ZC3H6: variants seen among roughly 807,000 people sequenced by gnomAD.
ZC3H6 encodes zinc finger CCCH-type containing 6, also known as zinc finger CCCH domain-containing protein 6.
Under a neutral mutation model 107.7 loss-of-function variants are expected in ZC3H6, and 40 were observed. That is an observed-to-expected ratio of 0.37 (90% CI 0.29 to 0.48). The LOEUF (loss-of-function observed/expected upper bound fraction) is 0.48, where lower values mean the gene tolerates loss of function less well. ZC3H6 is among the 20% of genes least tolerant of loss of function. The pLI is 0.98. For synonymous variants in ZC3H6, 493 were observed against 487.9 expected (o/e 1.01, Z -0.14); for missense variants, 1,267 against 1,410.4 (o/e 0.90, Z 1.63).
At chr2:112,295,383 A>C (rs1676213633) in intron 1 of ZC3H6, among the ~76,000 whole-genome samples, 1 of 152,232 alleles carries the variant, frequency 6.6e-6, no homozygotes, top group Non-Finnish European at 1.5e-5. Context: ...GTATTAAGCT[A>C]GTTCAAAATC....
At chr2:112,278,452 G>A (rs993408443) in intron 1 of ZC3H6, among the ~76,000 whole-genome samples, 1 of 152,056 alleles carries the variant, frequency 6.6e-6, no homozygotes, top group African/African-American at 2.4e-5. Flanking sequence ...TGAGTAGCTG[G>A]GATTACAGGC....
intron 1 of ZC3H6, among the ~76,000 whole-genome samples, chr2:112,296,772 T>G (rs1167905872): frequency 6.6e-6 from 1 of 152,182 alleles, no homozygotes; most frequent in Non-Finnish European, 1.5e-5. Flanking sequence ...AATAGCAAGG[T>G]GCCATGCTAG....
chr2:112,294,370 G>C (rs1381784421), intron 1 of ZC3H6, among the ~76,000 whole-genome samples: 10 of 152,196 alleles, frequency 6.6e-5, no homozygotes, highest in Admixed American at 6.5e-4. Flanking sequence ...TGTTCTGTTG[G>C]TCTTAGGATA....
At chr2:112,308,505 C>T (rs11896500) in intron 3 of ZC3H6, among the ~76,000 whole-genome samples, 76,116 of 149,428 alleles carry the variant, frequency 0.51, 21,558 homozygotes, top group East Asian at 0.77. Flanking sequence ...TGGCTCACTG[C>T]AACTTCCTTT....
intron 1 of ZC3H6, among the ~76,000 whole-genome samples, chr2:112,279,134 G>A (rs1318949805): frequency 1.3e-5 from 2 of 152,172 alleles, no homozygotes; most frequent in Non-Finnish European, 2.9e-5. Context: ...CCAGAGCCTA[G>A]TTTCTAAAGG....
In ZC3H6 at chr2:112,332,491, A is replaced by G. The variant is rs572744592; in HGVS notation, c.*3A>G. 18 of 1,597,314 alleles carry G rather than the reference A, an allele frequency of 1.1e-5. No homozygotes were observed. The highest frequency in any genetic ancestry group is 1.7e-4 in the Middle Eastern group (1 of 5,948). ...CAACTGCTTCACCATTTTGTTAGCT[A>G]TTGTGTAACTGAGCAATTCTTTTCA... On this transcript the variant is annotated 3_prime_UTR_variant, in exon 12 of 12. Coordinates refer to ENST00000409871, the MANE Select transcript of ZC3H6 (RefSeq NM_198581.3).
At chr2:112,286,708 G>T (rs1686617813) in intron 1 of ZC3H6, among the ~76,000 whole-genome samples, 1 of 152,188 alleles carries the variant, frequency 6.6e-6, no homozygotes, top group Admixed American at 6.5e-5. Context: ...CAAAGTGCTG[G>T]GCTCATAGGC....
At chr2:112,290,828 T>C (rs1676099151) in intron 1 of ZC3H6, among the ~76,000 whole-genome samples, 1 of 152,276 alleles carries the variant, frequency 6.6e-6, no homozygotes, top group African/African-American at 2.4e-5. Context: ...TAATTGAACT[T>C]TGGTAGTGTG....
intron 1 of ZC3H6, among the ~76,000 whole-genome samples, chr2:112,276,872 C>G (rs1360665456): frequency 2.0e-5 from 3 of 152,132 alleles, no homozygotes; most frequent in Non-Finnish European, 4.4e-5. Flanking sequence ...ATTAAACTTA[C>G]TGAAACAAAA....
At chr2:112,319,229 T>C (rs897621436) in intron 7 of ZC3H6, among the ~76,000 whole-genome samples, 3 of 152,142 alleles carry the variant, frequency 2.0e-5, no homozygotes, top group Non-Finnish European at 4.4e-5. Context: ...TGGCCAGGCA[T>C]GGTAGGTCAC....
rs1472067895 is a variant in ZC3H6, at chr2:112,275,657, A to G, written c.-338A>G. The stretch of plus-strand genomic sequence containing the variant: ...ATGTTGGTGAGGAGAAATCACCGTT[A>G]CGGCCACTGTCCAAATCCCCGCGTC... On this transcript the variant is annotated 5_prime_UTR_variant, in exon 1 of 12. Transcript: ENST00000409871. The G allele has an allele frequency of 5.0e-6, 2 of 404,040 alleles. No individual in the cohort carries two copies. The highest frequency in any genetic ancestry group is 8.8e-5 in the Admixed American group (2 of 22,752). 25.0% of individuals were successfully genotyped at this position (404,040 alleles called of 1,614,324 possible). A position where few individuals can be genotyped will look rare whatever the true frequency, so the allele number is the denominator to read the frequency against.
intron 1 of ZC3H6, among the ~76,000 whole-genome samples, chr2:112,279,364 C>G (rs1376768929): frequency 6.6e-6 from 1 of 152,126 alleles, no homozygotes. Context: ...TAAATATAAC[C>G]CAAGTAATTG....
Position 112,332,676 on chromosome 2 carries a change from T to C in ZC3H6, c.*188T>C. On this transcript the variant is annotated 3_prime_UTR_variant, in exon 12 of 12. Transcript: ENST00000409871. ...ATTTTATATAATATTTTTATAACTT[T>C]AAGAGACTGTAGTAATTGACCTAAA... is the stretch of plus-strand genomic sequence containing the variant. The C allele has an allele frequency of 4.3e-6, 2 of 467,436 alleles. No homozygotes were observed. The highest frequency in any genetic ancestry group is 7.1e-6 in the Non-Finnish European group (2 of 283,488). The allele number at this position is 467,436 out of a possible 1,614,324, so 29.0% of individuals were successfully genotyped here.
At position 112,334,811 on chromosome 2, in the gene ZC3H6, C is replaced by T. The variant is rs1434792255; in HGVS notation, c.*2323C>T. The stretch of plus-strand genomic sequence containing the variant: ...CAAATTGAATAAGTAGCCATTTTCC[C>T]CCAATGAATACCTCTTCTTTTAGGT... On this transcript the variant is annotated 3_prime_UTR_variant, in exon 12 of 12. Coordinates refer to ENST00000409871, the MANE Select transcript of ZC3H6 (RefSeq NM_198581.3). The T allele has an allele frequency of 1.3e-5, 2 of 152,456 alleles. No homozygotes were observed. Among genetic ancestry groups the T allele is most frequent in the African/African-American group, 2.4e-5 (1 of 41,432 alleles). 9.4% of individuals were successfully genotyped at this position (152,456 alleles called of 1,614,324 possible). A position where few individuals can be genotyped will look rare whatever the true frequency, so the allele number is the denominator to read the frequency against.
intron 11 of ZC3H6, among the ~76,000 whole-genome samples, chr2:112,327,034 C>T (rs767612438): frequency 7.2e-5 from 11 of 152,164 alleles, no homozygotes; most frequent in Non-Finnish European, 1.3e-4. Flanking sequence ...TGGGTATATA[C>T]CTGGCAGTGG....
Position 112,317,227 on chromosome 2 carries a change from C to A in ZC3H6, c.871C>A (p.Gln291Lys). The change falls in exon 7 of 12, where the codon CAG (glutamine) becomes AAG (lysine). Residue 291 changes from glutamine to lysine, a missense_variant. Physicochemically the swap from Gln to Lys is moderately conservative, Grantham distance 53 (BLOSUM62 1). Around this residue, in one of 3 missense-constraint regions of ZC3H6, gnomAD observed 337 missense variants for 361.2 expected, o/e 0.93. Transcript: ENST00000409871. ...FLEGRCIKGD[Q>K]CKFDHDAELE... ...TTTTTTTTTTTGTGAATAGGGAGAT[C>A]AGTGTAAATTTGATCATGATGCAGA... 3.6e-6 allele frequency: 5 copies of A among 1,382,718 alleles called. No individual in the cohort carries two copies. The highest frequency in any genetic ancestry group is 1.6e-5 in the South Asian group (1 of 64,182). The allele number at this position is 1,382,718 out of a possible 1,614,324, so 85.7% of individuals were successfully genotyped here.
rs1686406981 is a variant in ZC3H6 at position 112,275,945 on chromosome 2, C to T, written c.-50C>T. On this transcript the variant is annotated 5_prime_UTR_variant, in exon 1 of 12. Coordinates refer to ENST00000409871, the MANE Select transcript of ZC3H6 (RefSeq NM_198581.3). ...GGGGGTCTTCCCCGCGCCCCGCCGC[C>T]GCCGGCCTCGCAGACCTGCCCTCCA... 4 of 1,499,486 alleles carry T rather than the reference C, an allele frequency of 2.7e-6. No individual in the cohort carries two copies. The highest frequency in any genetic ancestry group is 1.5e-5 in the African/African-American group (1 of 68,556). The allele number at this position is 1,499,486 out of a possible 1,614,324, so 92.9% of individuals were successfully genotyped here. A position where few individuals can be genotyped will look rare whatever the true frequency, so the allele number is the denominator to read the frequency against.
rs763916817 is a variant in ZC3H6 at position 112,331,154 on chromosome 2, G to A, written c.2236G>A (p.Ala746Thr). 1.9e-6 allele frequency: 3 copies of A among 1,613,668 alleles called. No individual in the cohort carries two copies. Among genetic ancestry groups the A allele is most frequent in the Admixed American group, 1.7e-5 (1 of 59,958 alleles). ...ELSTPTDPRL[A>T]KEKSKGNQVV... is the part of the protein sequence containing the mutation. The stretch of plus-strand genomic sequence containing the variant: ...CAGCACTCCTACTGATCCAAGACTT[G>A]CTAAAGAGAAAAGTAAAGGAAACCA... Residue 746 changes from alanine (A) to threonine (T), a missense_variant, in exon 12 of 12, where the codon GCT (alanine) becomes ACT (threonine). Ala to Thr is a moderately conservative substitution (Grantham distance 58). Around this residue, in one of 3 missense-constraint regions of ZC3H6, gnomAD observed 925 missense variants for 1,025.7 expected, o/e 0.90. Transcript: ENST00000409871.
intron 7 of ZC3H6, among the ~76,000 whole-genome samples, chr2:112,320,039 TCTC>T (rs1676771958): frequency 6.6e-6 from 1 of 152,146 alleles, no homozygotes; most frequent in Non-Finnish European, 1.5e-5. Flanking sequence ...TTCAAGCAAT[TCTC>T]CTGCCTCAGC....
Sources: gnomAD v4.1 joint callset for allele counts (sites outside exome capture counted in the v4.1 genomes callset) on GRCh38, gnomAD v4.1.1 for gene constraint, gnomAD v4.1.1 regional missense constraint, MANE v1.5 for transcripts, NCBI Gene and HGNC (gene_info 2026-07-23, HGNC 2026-07-21) for gene names.